Variants in MARS1 observed in about 807,000 individuals in gnomAD.
MARS1 encodes the protein methionine--tRNA ligase, cytoplasmic.
A neutral mutation model predicts 119.5 loss-of-function variants in MARS1; 80 were observed. The observed-to-expected ratio is 0.67, with a 90% CI of 0.56 to 0.81. MARS1 has a LOEUF of 0.81. MARS1 is among the 30% of genes least tolerant of loss of function. The pLI, the probability that MARS1 is intolerant of heterozygous loss-of-function variation, is 0.00. For missense variants in MARS1, 945 were observed against 1,116.5 expected, an observed-to-expected ratio of 0.85 and a Z score of 2.19; for synonymous variants, 418 against 433.4, an observed-to-expected ratio of 0.96 and a Z score of 0.44.
intron 11 of MARS1, among the ~76,000 whole-genome samples, chr12:57,506,804 T>C (rs1877199631): frequency 6.6e-6 from 1 of 151,688 alleles, no homozygotes; most frequent in Admixed American, 6.6e-5. Context: ...AGCCTTCGAG[T>C]AGCTGGGATT....
rs1876736800 is a variant in MARS1 at position 57,498,277 on chromosome 12, G to T, written c.887+4G>T. ...TCAGTGCCGATGTCTTTGCCAGGTG[G>T]AGCCAGCTGCTCGGGGAGAGACCTC... is the stretch of plus-strand genomic sequence containing the variant. On this transcript the variant is annotated splice_donor_region_variant and intron_variant, in intron 8 of 20. Transcript: ENST00000262027. The T allele has an allele frequency of 1.9e-6, 3 of 1,612,792 alleles. No individual in the cohort carries two copies. The highest frequency in any genetic ancestry group is 2.5e-6 in the Non-Finnish European group (3 of 1,178,900).
Position 57,500,457 on chromosome 12 carries a change from T to C in MARS1, c.1228T>C (p.Tyr410His). The C allele has an allele frequency of 6.2e-7, 1 of 1,614,206 alleles. No individual in the cohort carries two copies. The highest frequency in any genetic ancestry group is 8.5e-7 in the Non-Finnish European group (1 of 1,180,034). ...GGAGGGCGTGTGTCCCTTCTGTGGC[T>C]ATGAGGAGGCTCGGGGTGACCAGTG... ...FVEGVCPFCG[Y>H]EEARGDQCDK... The change falls in exon 10 of 21, where the codon TAT becomes CAT. Residue 410 changes from tyrosine to histidine, a missense_variant. By Grantham distance (83) the Tyr-to-His change is moderately conservative. Coordinates refer to ENST00000262027, the MANE Select transcript of MARS1 (RefSeq NM_004990.4).
At chr12:57,493,352 TA>T in intron 7 of MARS1, among the ~76,000 whole-genome samples, 1 of 75,362 alleles carries the variant, frequency 1.3e-5, no homozygotes, top group Non-Finnish European at 2.3e-5. Context: ...ATATAATATA[TA>T]TTATATGATA....
At chr12:57,498,125 C>T (rs767006696) in intron 7 of MARS1, 32 bp from the exon 8 acceptor site, 1 of 1,414,614 alleles carries the variant, frequency 7.1e-7, no homozygotes, top group East Asian at 2.3e-5. Context: ...CACATCCCCC[C>T]ATGCACTGTT....
At chr12:57,490,770 T>G in intron 7 of MARS1, 126 bp downstream of exon 7, 1 of 598,130 alleles carries the variant, frequency 1.7e-6, no homozygotes, top group Non-Finnish European at 2.8e-6. Context: ...TCCTTTTAAT[T>G]CTTACATCTC....
intron 1 of MARS1, chr12:57,488,603 T>A (rs1875656783): frequency 1.3e-6 from 2 of 1,551,102 alleles, no homozygotes; most frequent in Non-Finnish European, 1.7e-6. Context: ...CACGTTCCTT[T>A]CTGTTTACCT....
chr12:57,507,333 T>C (rs1161696995), intron 11 of MARS1, among the ~76,000 whole-genome samples: 34 of 147,510 alleles, frequency 2.3e-4, no homozygotes, highest in South Asian at 8.9e-4. Flanking sequence ...AAACCGCCAT[T>C]GTCATCATGG....
At chr12:57,507,292 T>C (rs1877230134) in intron 11 of MARS1, among the ~76,000 whole-genome samples, 1 of 149,522 alleles carries the variant, frequency 6.7e-6, no homozygotes, top group Admixed American at 6.7e-5. Context: ...TCTCAATCTT[T>C]TCCCCACCTT....
At chr12:57,490,870 CTA>C (rs1875908517) in intron 7 of MARS1, among the ~76,000 whole-genome samples, 1 of 99,238 alleles carries the variant, frequency 1.0e-5, no homozygotes, top group Non-Finnish European at 2.0e-5. Flanking sequence ...TTTTTCTTGT[CTA>C]TCCTTTTTTT....
chr12:57,488,406 C>T (rs2139994895), intron 1 of MARS1: 1 of 747,658 alleles, frequency 1.3e-6, no homozygotes, highest in East Asian at 2.7e-5. Flanking sequence ...ATACCCTTCC[C>T]TTATCTCTCT....
intron 11 of MARS1, among the ~76,000 whole-genome samples, chr12:57,505,068 C>T (rs1442871093): frequency 6.6e-6 from 1 of 151,958 alleles, no homozygotes; most frequent in Non-Finnish European, 1.5e-5. Context: ...AGGCTGGTGT[C>T]AAACTCTTGG....
chr12:57,493,821 ATATT>A (rs1433033736), intron 7 of MARS1, among the ~76,000 whole-genome samples: 17 of 1,232 alleles, frequency 0.014, 3 homozygotes, highest in Non-Finnish European at 0.054. Flanking sequence ...TATATTATAT[ATATT>A]ATATTATATA....
chr12:57,490,900 G>C (rs1220669862), intron 7 of MARS1, among the ~76,000 whole-genome samples: 2 of 137,264 alleles, frequency 1.5e-5, no homozygotes. Flanking sequence ...TTTTGAGGCG[G>C]AGTTTCGCTC....
chr12:57,506,228 CAGCTTGGGTGACAGACTGAG>C (rs1877172873), intron 11 of MARS1, among the ~76,000 whole-genome samples: 1 of 152,068 alleles, frequency 6.6e-6, no homozygotes, highest in Non-Finnish European at 1.5e-5. Context: ...CATTGCACTG[CAGCTTGGGTGACAGACTGAG>C]ACTCTGTATC....
chr12:57,495,294 G>A (rs7304550), intron 7 of MARS1, among the ~76,000 whole-genome samples: 31,472 of 150,418 alleles, frequency 0.21, 3,900 homozygotes, highest in South Asian at 0.43. Context: ...GGCGGCTGCC[G>A]GGCGGACACG....
intron 9 of MARS1, chr12:57,500,110 G>A: frequency 3.4e-6 from 2 of 587,058 alleles, no homozygotes; most frequent in Middle Eastern, 4.8e-4. Flanking sequence ...GTGTTGAGGG[G>A]AAAGATTATG....
intron 11 of MARS1, among the ~76,000 whole-genome samples, chr12:57,508,699 A>AGGTAGAGGTAAAGGGTAGAG (rs71280717): frequency 6.9e-6 from 1 of 145,656 alleles, no homozygotes; most frequent in Admixed American, 6.9e-5. Context: ...GTAGAGGTAG[A>AGGTAGAGGTAAAGGGTAGAG]GGTAGAGGGT....
intron 7 of MARS1, among the ~76,000 whole-genome samples, chr12:57,497,662 TAG>T (rs1356793145): frequency 2.0e-5 from 3 of 152,106 alleles, no homozygotes; most frequent in African/African-American, 7.2e-5. Flanking sequence ...AGACATGGGT[TAG>T]AGAGTCGGTA....
At chr12:57,499,805 A>G (rs1384659708) in intron 9 of MARS1, among the ~76,000 whole-genome samples, 1 of 151,558 alleles carries the variant, frequency 6.6e-6, no homozygotes, top group Non-Finnish European at 1.5e-5. Context: ...AGGCTGAGGC[A>G]GAGAATTGCT....
Sources: allele counts gnomAD v4.1 joint callset (sites outside exome capture counted in the v4.1 genomes callset), GRCh38; gene constraint gnomAD v4.1.1; transcripts MANE v1.5; gene names NCBI Gene and HGNC (gene_info 2026-07-23, HGNC 2026-07-21).